Variants in DOCK8 observed in about 807,000 individuals in gnomAD.
The protein encoded by DOCK8 is dedicator of cytokinesis 8, also known as dedicator of cytokinesis protein 8.
DOCK8 carries 141 observed loss-of-function variants against 245.6 expected under a neutral mutation model. That is an observed-to-expected ratio of 0.57 (90% confidence interval 0.50 to 0.66). The LOEUF is 0.66. Among genes scored for constraint, DOCK8 ranks in the 30% least tolerant of loss-of-function variants. The pLI, the probability that DOCK8 is intolerant of heterozygous loss-of-function variation, is 0.00. For missense variants in DOCK8, 2,965 were observed against 2,603.4 expected, an observed-to-expected ratio of 1.14 and a Z score of -3.02; for synonymous variants, 1,168 against 970.2, an observed-to-expected ratio of 1.20 and a Z score of -3.79.
chr9:386,298 G>T, intron 22 of DOCK8, 33 bp from the exon 23 acceptor site: 1 of 1,582,394 alleles, frequency 6.3e-7, no homozygotes, highest in Non-Finnish European at 8.7e-7. Flanking sequence ...TCCATGGTTG[G>T]TTGACTGTTA....
At chr9:272,024 G>C (rs116442348) in intron 2 of DOCK8, among the ~76,000 whole-genome samples, 3 of 152,090 alleles carry the variant, frequency 2.0e-5, no homozygotes, top group African/African-American at 4.8e-5. Flanking sequence ...GGGGGAGAAG[G>C]GCTAGCCCAA....
In DOCK8 at chr9:434,934, G is replaced by A; in HGVS notation, c.5038G>A (p.Glu1680Lys). The change falls in exon 39 of 48, where the codon GAG becomes AAG. Residue 1680 changes from glutamate to lysine, a missense_variant. Physicochemically the swap from Glu to Lys is moderately conservative, Grantham distance 56. Transcript: ENST00000432829. Reference protein sequence around the residue: ...ALVAEYLSMLEDHSYLPVGSV... With the variant: ...ALVAEYLSMLKDHSYLPVGSV... ...AGTGGCTGAGTATCTGAGCATGCTGGAGGACCACAGCTACCTGCCCGTGGG... is the reference window on the plus strand; with the variant it reads ...AGTGGCTGAGTATCTGAGCATGCTGAAGGACCACAGCTACCTGCCCGTGGG... The A allele has an allele frequency of 3.1e-6, 5 of 1,613,506 alleles. No individual in the cohort carries two copies. The highest frequency in any genetic ancestry group is 1.1e-5 in the South Asian group (1 of 91,052).
chr9:394,176 T>A (rs1163481683), intron 24 of DOCK8, among the ~76,000 whole-genome samples: 1 of 152,150 alleles, frequency 6.6e-6, no homozygotes, highest in African/African-American at 2.4e-5. Flanking sequence ...CAACTCCAAC[T>A]GGAAGCCAAA....
At chr9:232,905 G>C (rs1465140783) in intron 1 of DOCK8, among the ~76,000 whole-genome samples, 1 of 152,074 alleles carries the variant, frequency 6.6e-6, no homozygotes, top group Non-Finnish European at 1.5e-5. Flanking sequence ...CTTCAGTTCT[G>C]CTCTGATCTT....
Position 406,972 on chromosome 9 carries a change from A to T in DOCK8, c.3433A>T (p.Ser1145Cys). Residue 1145 changes from serine to cysteine, a missense_variant, in exon 28 of 48, where the codon AGC becomes TGC. Physicochemically the swap from Ser to Cys is moderately radical, Grantham distance 112. Around this residue, in one of 3 missense-constraint regions of DOCK8, gnomAD observed 2,825 missense variants for 2,453.5 expected, o/e 1.15. Coordinates refer to ENST00000432829, the MANE Select transcript of DOCK8 (RefSeq NM_203447.4). ...CSSFQDQKIA[S>C]MFDLTSEYRQ... is the part of the protein sequence containing the mutation. ...CAGCTTCCAGGACCAGAAGATCGCCAGCATGTTCGATCTGACTTCCGAGTA... is the reference window on the plus strand; with the variant it reads ...CAGCTTCCAGGACCAGAAGATCGCCTGCATGTTCGATCTGACTTCCGAGTA... 6.2e-7 allele frequency: 1 copy of T among 1,614,156 alleles called. No individual in the cohort carries two copies. The highest frequency in any genetic ancestry group is 8.5e-7 in the Non-Finnish European group (1 of 1,180,008).
At chr9:248,270 G>A (rs149398509) in intron 1 of DOCK8, among the ~76,000 whole-genome samples, 32 of 152,294 alleles carry the variant, frequency 2.1e-4, no homozygotes, top group African/African-American at 7.0e-4. Flanking sequence ...GTGCCTTTTA[G>A]ACAAAACAGA....
chr9:455,152 A>G (rs1265271624), intron 46 of DOCK8, among the ~76,000 whole-genome samples: 3 of 152,162 alleles, frequency 2.0e-5, no homozygotes, highest in African/African-American at 4.8e-5. Flanking sequence ...GAGACTGTCC[A>G]TGCTTCCCAG....
At chr9:228,717 A>AGTTT (rs2047040712) in intron 1 of DOCK8, among the ~76,000 whole-genome samples, 1 of 152,094 alleles carries the variant, frequency 6.6e-6, no homozygotes, top group Non-Finnish European at 1.5e-5. Flanking sequence ...CTAACAAACC[A>AGTTT]CCCCAAAGTT....
intron 1 of DOCK8, among the ~76,000 whole-genome samples, chr9:237,151 A>C (rs1484717894): frequency 3.3e-5 from 5 of 152,230 alleles, no homozygotes; most frequent in African/African-American, 9.6e-5. Flanking sequence ...AACAATGTAG[A>C]CCTACTGTGG....
chr9:302,243 T>C (rs2049587784), intron 4 of DOCK8, among the ~76,000 whole-genome samples: 1 of 152,218 alleles, frequency 6.6e-6, no homozygotes. Flanking sequence ...TAACAAGCCA[T>C]GAGGAAAGGT....
chr9:336,288 T>A (rs1252359494), intron 11 of DOCK8, among the ~76,000 whole-genome samples: 1 of 152,232 alleles, frequency 6.6e-6, no homozygotes, highest in East Asian at 1.9e-4. Context: ...GAGACCCTGT[T>A]CTGGCTATAG....
At chr9:455,330 T>TA (rs2057601882) in intron 46 of DOCK8, among the ~76,000 whole-genome samples, 1 of 116,104 alleles carries the variant, frequency 8.6e-6, no homozygotes, top group Non-Finnish European at 2.0e-5. Flanking sequence ...TCTGTCTCTT[T>TA]AAAAAAATAC....
At chr9:266,291 T>G (rs1195587581) in intron 1 of DOCK8, among the ~76,000 whole-genome samples, 1 of 152,122 alleles carries the variant, frequency 6.6e-6, no homozygotes, top group Non-Finnish European at 1.5e-5. Context: ...TCTGCCCTCC[T>G]CCCACCTACC....
intron 3 of DOCK8, among the ~76,000 whole-genome samples, chr9:289,086 T>C (rs1034667766): frequency 3.3e-5 from 5 of 152,194 alleles, no homozygotes; most frequent in African/African-American, 1.2e-4. Flanking sequence ...AACTGTTCTT[T>C]TTCCTGGCTT....
intron 1 of DOCK8, among the ~76,000 whole-genome samples, chr9:263,813 A>G (rs148595300): frequency 9.9e-4 from 151 of 152,258 alleles, no homozygotes; most frequent in African/African-American, 3.4e-3. Flanking sequence ...TGAGAAGTTA[A>G]TTTTGTTGGT....
chr9:305,830 A>C (rs982475464), intron 5 of DOCK8, among the ~76,000 whole-genome samples: 4 of 152,170 alleles, frequency 2.6e-5, no homozygotes. Flanking sequence ...CTATACACCT[A>C]TGCTCACAGC....
chr9:261,537 C>G (rs1044307850), intron 1 of DOCK8, among the ~76,000 whole-genome samples: 2 of 152,068 alleles, frequency 1.3e-5, no homozygotes, highest in African/African-American at 4.8e-5. Flanking sequence ...GGGATATGGT[C>G]AATATGTAAA....
upstream of DOCK8, chr9:214,413 AGT>A: frequency 7.8e-7 from 1 of 1,275,018 alleles, no homozygotes. Context: ...TGCTTGCAAA[AGT>A]TGATTTGAAT....
chr9:280,027 A>C (rs1431227428), intron 2 of DOCK8, among the ~76,000 whole-genome samples: 1 of 152,184 alleles, frequency 6.6e-6, no homozygotes, highest in Non-Finnish European at 1.5e-5. Flanking sequence ...ATTAATTTTC[A>C]ACAGATATGG....
Sources: gnomAD v4.1 joint callset for allele counts (sites outside exome capture counted in the v4.1 genomes callset) on GRCh38, gnomAD v4.1.1 for gene constraint, gnomAD v4.1.1 regional missense constraint, MANE v1.5 for transcripts, NCBI Gene and HGNC (gene_info 2026-07-23, HGNC 2026-07-21) for gene names.